Variants in EXOC6B observed in about 807,000 individuals in gnomAD.
The protein encoded by EXOC6B is SEC15 homolog B.
Under a neutral mutation model 113.5 loss-of-function variants are expected in EXOC6B, and 54 were observed. The observed-to-expected ratio is 0.48, with a 90% CI of 0.38 to 0.60. The LOEUF (loss-of-function observed/expected upper bound fraction) is 0.60, where lower values mean the gene tolerates loss of function less well. Among genes scored for constraint, EXOC6B ranks in the 20% least tolerant of loss-of-function variants. The probability of loss-of-function intolerance (pLI) is 0.00; values close to 1 mark genes in which losing one functional copy is unlikely to be tolerated. For synonymous variants in EXOC6B, 357 were observed against 339.0 expected, an observed-to-expected ratio of 1.05 and a Z score of -0.58; for missense variants, 797 against 977.5, an observed-to-expected ratio of 0.82 and a Z score of 2.46.
intron 18 of EXOC6B, among the ~76,000 whole-genome samples, chr2:72,449,327 C>G (rs1050364884): frequency 1.1e-4 from 16 of 151,966 alleles, no homozygotes; most frequent in African/African-American, 3.9e-4. Context: ...GGACTACAGA[C>G]GCCCAGCTAA....
chr2:72,272,878 A>G (rs570864599), intron 20 of EXOC6B, among the ~76,000 whole-genome samples: 1 of 152,320 alleles, frequency 6.6e-6, no homozygotes, highest in Non-Finnish European at 1.5e-5. Flanking sequence ...GGAATACTGA[A>G]TAATTCCCTC....
At chr2:72,474,742 T>A (rs954944284) in intron 17 of EXOC6B, among the ~76,000 whole-genome samples, 9 of 152,304 alleles carry the variant, frequency 5.9e-5, no homozygotes, top group African/African-American at 1.9e-4. Context: ...TTTAACTTCT[T>A]TTTCTGAGAT....
At chr2:72,290,843 T>C (rs1395623894) in intron 20 of EXOC6B, among the ~76,000 whole-genome samples, 1 of 152,118 alleles carries the variant, frequency 6.6e-6, no homozygotes, top group Non-Finnish European at 1.5e-5. Context: ...TTATGTTTTC[T>C]CTTATATAAT....
At position 72,406,549 on chromosome 2, in the gene EXOC6B, T is replaced by C. The variant is rs560129247; in HGVS notation, c.1981-26679A>G. The stretch of plus-strand genomic sequence containing the variant: ...AAACTAGAACTCAGGATTAAGAAAC[T>C]CACTTAAAACCGCTCAACGACATGG... On this transcript the variant is annotated intron_variant, in intron 18 of 21. Transcript: ENST00000272427. 4.6e-5 allele frequency among the ~76,000 whole-genome samples: 7 copies of C among 152,162 alleles called. No individual in the cohort carries two copies. In the South Asian group the frequency reaches 1.5e-3, roughly 32 times the overall value.
At chr2:72,779,522 G>A (rs566237305) in intron 1 of EXOC6B, among the ~76,000 whole-genome samples, 12 of 152,108 alleles carry the variant, frequency 7.9e-5, no homozygotes, top group South Asian at 4.2e-4. Context: ...GTTTTGCTCC[G>A]CTTTAAGTTT....
chr2:72,585,893 A>G (rs991018367), intron 6 of EXOC6B, among the ~76,000 whole-genome samples: 4 of 152,120 alleles, frequency 2.6e-5, no homozygotes, highest in Non-Finnish European at 5.9e-5. Flanking sequence ...ACTGGTACCA[A>G]TTCAACTGAC....
intron 20 of EXOC6B, among the ~76,000 whole-genome samples, chr2:72,326,930 A>G (rs867786522): frequency 2.6e-5 from 4 of 152,054 alleles, no homozygotes; most frequent in African/African-American, 7.2e-5. Flanking sequence ...TGAAAGCAAC[A>G]ATGGAAACTC....
At chr2:72,525,969 G>T (rs1573325068) in intron 8 of EXOC6B, among the ~76,000 whole-genome samples, 1 of 152,036 alleles carries the variant, frequency 6.6e-6, no homozygotes, top group East Asian at 1.9e-4. Flanking sequence ...TTTCTCCAAA[G>T]AACTATTCCA....
intron 18 of EXOC6B, among the ~76,000 whole-genome samples, chr2:72,426,725 A>T (rs1695219309): frequency 6.6e-6 from 1 of 152,234 alleles, no homozygotes; most frequent in South Asian, 2.1e-4. Context: ...TTTCCCAGTT[A>T]AGTGTTACTG....
At chr2:72,784,705 C>T (rs181698550) in intron 1 of EXOC6B, among the ~76,000 whole-genome samples, 379 of 152,314 alleles carry the variant, frequency 2.5e-3, no homozygotes, top group African/African-American at 7.4e-3. Context: ...ATTACCTCCT[C>T]CTGGGTTCCT....
intron 20 of EXOC6B, among the ~76,000 whole-genome samples, chr2:72,185,250 T>C (rs958871763): frequency 4.6e-5 from 7 of 152,220 alleles, no homozygotes; most frequent in African/African-American, 1.7e-4. Flanking sequence ...GACAAGTAGA[T>C]GGCTGGTTGT....
At chr2:72,403,522 A>G (rs1251198431) in intron 18 of EXOC6B, among the ~76,000 whole-genome samples, 3 of 152,136 alleles carry the variant, frequency 2.0e-5, no homozygotes, top group Non-Finnish European at 2.9e-5. Flanking sequence ...CCTCATCTCT[A>G]CAAAAATAAA....
intron 18 of EXOC6B, among the ~76,000 whole-genome samples, chr2:72,455,935 T>C (rs1697204420): frequency 6.6e-6 from 1 of 151,986 alleles, no homozygotes; most frequent in African/African-American, 2.4e-5. Flanking sequence ...AGAGACAGCT[T>C]GATATAGTGA....
chr2:72,790,587 G>A lies in EXOC6B; in HGVS notation c.113+35211C>T, dbSNP rs115504815. ...TAAATATAAACAAATTATTCATTTC[G>A]CCTTTCTTAAGTAATATAGGAGGTA... is the stretch of plus-strand genomic sequence containing the variant. On this transcript the variant is annotated intron_variant, in intron 1 of 21. Transcript: ENST00000272427. Among the ~76,000 whole-genome samples the A allele has an allele frequency of 4.1e-3, 627 of 152,142 alleles. 3 individuals carry two copies. The highest frequency in any genetic ancestry group is 0.014 in the African/African-American group (569 of 41,474).
At chr2:72,666,408 C>A (rs898807945) in intron 6 of EXOC6B, among the ~76,000 whole-genome samples, 1 of 152,100 alleles carries the variant, frequency 6.6e-6, no homozygotes, top group African/African-American at 2.4e-5. Flanking sequence ...TGGCAAGACT[C>A]AATTAATTTA....
intron 19 of EXOC6B, among the ~76,000 whole-genome samples, chr2:72,368,220 A>G (rs1231267811): frequency 6.6e-6 from 1 of 152,194 alleles, no homozygotes; most frequent in African/African-American, 2.4e-5. Context: ...CTACCATCAG[A>G]GAATACTATA....
At chr2:72,593,787 T>C (rs1472656688) in intron 6 of EXOC6B, among the ~76,000 whole-genome samples, 1 of 152,182 alleles carries the variant, frequency 6.6e-6, no homozygotes, top group Non-Finnish European at 1.5e-5. Context: ...AACAACTTTA[T>C]GCCTATATAT....
At chr2:72,313,354 C>CA (rs1285306711) in intron 20 of EXOC6B, among the ~76,000 whole-genome samples, 3 of 152,110 alleles carry the variant, frequency 2.0e-5, no homozygotes, top group Admixed American at 6.5e-5. Flanking sequence ...GCACATCCTG[C>CA]ACATGTACCC....
At chr2:72,729,188 C>A (rs1680487545) in intron 5 of EXOC6B, among the ~76,000 whole-genome samples, 1 of 151,772 alleles carries the variant, frequency 6.6e-6, no homozygotes, top group African/African-American at 2.4e-5. Context: ...GAAGAACATT[C>A]AATAAATTTA....
Sources: allele counts gnomAD v4.1 joint callset (sites outside exome capture counted in the v4.1 genomes callset), GRCh38; gene constraint gnomAD v4.1.1; transcripts MANE v1.5; gene names NCBI Gene and HGNC (gene_info 2026-07-23, HGNC 2026-07-21).